ZNF536: variants seen among roughly 807,000 people sequenced by gnomAD.
The protein encoded by ZNF536 is zinc finger protein 536.
ZNF536 carries 13 observed loss-of-function variants against 84.5 expected under a neutral mutation model. That is an observed-to-expected ratio of 0.15 (90% CI 0.10 to 0.24). ZNF536 has a LOEUF of 0.24. ZNF536 is among the 10% of genes least tolerant of loss of function. The pLI, the probability that ZNF536 is intolerant of heterozygous loss-of-function variation, is 1.00. For missense variants in ZNF536, 1,536 were observed against 1,747.5 expected (o/e 0.88, Z 2.16); for synonymous variants, 811 against 742.5 (o/e 1.09, Z -1.50).
chr19:30,603,755 A>G (rs965048625), intron 1 of ZNF536, among the ~76,000 whole-genome samples: 1 of 152,204 alleles, frequency 6.6e-6, no homozygotes, highest in Non-Finnish European at 1.5e-5. Flanking sequence ...GATTTGAAGC[A>G]TCAACTTTGT....
At chr19:30,674,822 G>A (rs2050693970) in intron 1 of ZNF536, among the ~76,000 whole-genome samples, 3 of 152,186 alleles carry the variant, frequency 2.0e-5, no homozygotes. Flanking sequence ...AGAGATGGGA[G>A]TCAAGTAGAC....
intron 1 of ZNF536, among the ~76,000 whole-genome samples, chr19:30,648,604 T>C (rs1350152550): frequency 6.6e-6 from 1 of 152,122 alleles, no homozygotes; most frequent in Non-Finnish European, 1.5e-5. Context: ...GAGTCATAAA[T>C]AGTCCTTTTC....
chr19:30,326,795 T>TTTTTTTG (rs1439328173), intron 2 of ZNF536, among the ~76,000 whole-genome samples: 17 of 117,146 alleles, frequency 1.5e-4, no homozygotes, highest in African/African-American at 5.6e-4. Flanking sequence ...AAAAAGCTTT[T>TTTTTTTG]TTTTTTTTTT....
intron 1 of ZNF536, among the ~76,000 whole-genome samples, chr19:30,661,259 T>C (rs1292655493): frequency 6.6e-6 from 1 of 152,244 alleles, no homozygotes; most frequent in Non-Finnish European, 1.5e-5. Context: ...AGAGACTACA[T>C]TGACTGACTC....
chr19:30,462,789 G>A (rs1246008067), intron 2 of ZNF536, among the ~76,000 whole-genome samples: 1 of 151,442 alleles, frequency 6.6e-6, no homozygotes, highest in Non-Finnish European at 1.5e-5. Context: ...TGTGTGTTGG[G>A]ATGCATGTAT....
At chr19:30,599,980 G>GTGTC (rs887573394) in intron 1 of ZNF536, among the ~76,000 whole-genome samples, 4 of 120,080 alleles carry the variant, frequency 3.3e-5, no homozygotes, top group Admixed American at 8.3e-5. Context: ...TTTCCACGGA[G>GTGTC]TGTCACTGGG....
chr19:30,527,936 C>G (rs762678151), intron 2 of ZNF536, among the ~76,000 whole-genome samples: 2 of 152,138 alleles, frequency 1.3e-5, no homozygotes, highest in African/African-American at 2.4e-5. Context: ...CACTGAACTG[C>G]TTCTTCACCC....
intron 2 of ZNF536, among the ~76,000 whole-genome samples, chr19:30,305,804 G>T (rs1211661363): frequency 6.6e-6 from 1 of 152,252 alleles, no homozygotes; most frequent in African/African-American, 2.4e-5. Flanking sequence ...GCCCCTGGTA[G>T]GCACTGGCTG....
chr19:30,610,580 G>A (rs536475293), intron 1 of ZNF536, among the ~76,000 whole-genome samples: 12 of 152,304 alleles, frequency 7.9e-5, no homozygotes, highest in East Asian at 7.7e-4. Context: ...AAGCTTAGCC[G>A]TCAAAAGAGG....
chr19:30,479,634 A>G (rs1434199147), intron 2 of ZNF536, among the ~76,000 whole-genome samples: 2 of 152,190 alleles, frequency 1.3e-5, no homozygotes, highest in African/African-American at 4.8e-5. Context: ...CCACTTCCCC[A>G]GCACTGGCCA....
chr19:30,685,382 T>A (rs1171549345), intron 1 of ZNF536, among the ~76,000 whole-genome samples: 1 of 152,106 alleles, frequency 6.6e-6, no homozygotes, highest in East Asian at 1.9e-4. Context: ...GTGTTTTTAT[T>A]TGTAGGTGTG....
chr19:30,665,119 G>A (rs2050268969), intron 1 of ZNF536, among the ~76,000 whole-genome samples: 1 of 152,214 alleles, frequency 6.6e-6, no homozygotes, highest in South Asian at 2.1e-4. Flanking sequence ...CGAGGCAGAT[G>A]GATGACCTGA....
chr19:30,305,026 G>A (rs1476707075), intron 2 of ZNF536, among the ~76,000 whole-genome samples: 2 of 152,220 alleles, frequency 1.3e-5, no homozygotes. Flanking sequence ...GCAGAATTAA[G>A]AGCCCAAGGG....
At position 30,509,414 on chromosome 19, in the gene ZNF536, A is replaced by G. The variant is rs188374552; in HGVS notation, c.2171-25433A>G. Among the ~76,000 whole-genome samples, 14 of 147,296 alleles carry G rather than the reference A, an allele frequency of 9.5e-5. 1 individual carries two copies. Among genetic ancestry groups the G allele is most frequent in the African/African-American group, 2.7e-4 (11 of 40,536 alleles). ...CTTATACATACATAATTATATGTAT[A>G]ACATATTATAATATATAATGTATGC... On this transcript the variant is annotated intron_variant, in intron 2 of 4. Coordinates refer to ENST00000355537, the MANE Select transcript of ZNF536 (RefSeq NM_014717.3).
At chr19:30,646,859 T>C (rs892094) in intron 1 of ZNF536, among the ~76,000 whole-genome samples, 51 of 152,322 alleles carry the variant, frequency 3.3e-4, no homozygotes, top group Middle Eastern at 3.4e-3. Flanking sequence ...TGATGTTGTA[T>C]GTTTAAAAAA....
At position 30,304,047 on chromosome 19, in the gene ZNF536, C is replaced by T. The variant is rs116365981; in HGVS notation, c.-120+19906C>T. Among the ~76,000 whole-genome samples the T allele has an allele frequency of 3.0e-3, 458 of 152,264 alleles. 2 individuals carry two copies. Among genetic ancestry groups the T allele is most frequent in the African/African-American group, 0.01 (423 of 41,546 alleles). On this transcript the variant is annotated intron_variant, in intron 2 of 5. Coordinates refer to the ZNF536 transcript ENST00000585628. ...TCTCCTCTCTCCCTGGATGGAGCAG[C>T]GTGGGGGAGTCCCGCTCAGGGTCTT...
At chr19:30,307,760 A>G (rs1469631247) in intron 2 of ZNF536, among the ~76,000 whole-genome samples, 1 of 152,138 alleles carries the variant, frequency 6.6e-6, no homozygotes, top group Admixed American at 6.5e-5. Flanking sequence ...TGATTTAGTT[A>G]TTGGCTCGTG....
At chr19:30,281,894 G>A (rs74318925) in intron 1 of ZNF536, among the ~76,000 whole-genome samples, 4,626 of 152,246 alleles carry the variant, frequency 0.03, 279 homozygotes, top group Admixed American at 0.15. Flanking sequence ...CCCTCAGGTT[G>A]GGGTCCCTGT....
At chr19:30,707,651 A>G (rs1055820774) in intron 1 of ZNF536, among the ~76,000 whole-genome samples, 2 of 152,180 alleles carry the variant, frequency 1.3e-5, no homozygotes, top group Non-Finnish European at 2.9e-5. Context: ...GGGAAGGTTG[A>G]TGAAATTTAG....
Sources: allele counts gnomAD v4.1 joint callset (sites outside exome capture counted in the v4.1 genomes callset), GRCh38; gene constraint gnomAD v4.1.1; transcripts MANE v1.5; gene names NCBI Gene and HGNC (gene_info 2026-07-23, HGNC 2026-07-21).